The following STAU2 variants were observed in gnomAD, a reference collection of about 807,000 sequenced individuals.
STAU2 encodes the protein double-stranded RNA-binding protein Staufen homolog 2.
STAU2 carries 20 observed loss-of-function variants against 65.9 expected under a neutral mutation model. That is an observed-to-expected ratio of 0.30 (90% CI 0.21 to 0.44). The LOEUF is 0.44. Among genes scored for constraint, STAU2 ranks in the 20% least tolerant of loss-of-function variants. STAU2 has a pLI of 1.00. For synonymous variants in STAU2, 232 were observed against 233.9 expected (o/e 0.99, Z 0.07); for missense variants, 558 against 683.9 (o/e 0.82, Z 2.05).
At chr8:73,621,678 A>G (rs918128375) in intron 6 of STAU2, among the ~76,000 whole-genome samples, 7 of 152,094 alleles carry the variant, frequency 4.6e-5, no homozygotes, top group African/African-American at 1.7e-4. Context: ...AATCCCAAAA[A>G]AGTCTTGGGA....
chr8:73,667,385 G>A (rs529119138), intron 6 of STAU2, among the ~76,000 whole-genome samples: 1 of 152,174 alleles, frequency 6.6e-6, no homozygotes, highest in African/African-American at 2.4e-5. Flanking sequence ...CATTCAAATC[G>A]GGGCCCTGCC....
chr8:73,543,077 T>C (rs1371653789), intron 13 of STAU2, among the ~76,000 whole-genome samples: 3 of 152,210 alleles, frequency 2.0e-5, no homozygotes, highest in South Asian at 2.1e-4. Context: ...TATATATACA[T>C]AAAATAAACT....
chr8:73,593,384 T>C (rs915686328), intron 11 of STAU2, among the ~76,000 whole-genome samples: 1 of 152,160 alleles, frequency 6.6e-6, no homozygotes, highest in Non-Finnish European at 1.5e-5. Context: ...GTTCATCCTC[T>C]AGTTTTGTTA....
chr8:73,523,607 T>G (rs1054211760), intron 13 of STAU2, among the ~76,000 whole-genome samples: 6 of 152,124 alleles, frequency 3.9e-5, no homozygotes, highest in Non-Finnish European at 5.9e-5. Flanking sequence ...CCCCAGCCCC[T>G]GCAACCACTC....
At chr8:73,443,447 A>C (rs1315139234) in intron 13 of STAU2, among the ~76,000 whole-genome samples, 2 of 152,264 alleles carry the variant, frequency 1.3e-5, no homozygotes, top group Non-Finnish European at 2.9e-5. Context: ...GAAAGCAACA[A>C]GGCAATATCC....
At chr8:73,625,043 C>T (rs183492267) in intron 6 of STAU2, among the ~76,000 whole-genome samples, 2 of 152,042 alleles carry the variant, frequency 1.3e-5, no homozygotes, top group African/African-American at 2.4e-5. Flanking sequence ...CACACACCCA[C>T]TAGGATGGCT....
At chr8:73,622,248 T>C (rs1813314066) in intron 6 of STAU2, among the ~76,000 whole-genome samples, 1 of 115,396 alleles carries the variant, frequency 8.7e-6, no homozygotes, top group African/African-American at 4.2e-5. Context: ...TGCCTCAGCC[T>C]CCCGAGTAGC....
chr8:73,501,141 T>C (rs1253341243), intron 13 of STAU2, among the ~76,000 whole-genome samples: 1 of 151,808 alleles, frequency 6.6e-6, no homozygotes, highest in Non-Finnish European at 1.5e-5. Context: ...AAGTAACTAA[T>C]TTGGTAATAA....
chr8:73,626,392 C>T (rs1254292544), intron 6 of STAU2, among the ~76,000 whole-genome samples: 2 of 152,182 alleles, frequency 1.3e-5, no homozygotes, highest in African/African-American at 4.8e-5. Context: ...GAAACTAGGT[C>T]TGAGAAGTCA....
chr8:73,449,371 G>C (rs1452894335), intron 13 of STAU2, among the ~76,000 whole-genome samples: 1 of 152,214 alleles, frequency 6.6e-6, no homozygotes, highest in African/African-American at 2.4e-5. Context: ...TGGCTGCTCT[G>C]TGTCCTGATC....
intron 12 of STAU2, among the ~76,000 whole-genome samples, chr8:73,565,877 C>T (rs188461064): frequency 3.5e-4 from 54 of 152,166 alleles, no homozygotes; most frequent in Admixed American, 1.3e-3. Context: ...AAACTGATTT[C>T]GTTATATGTC....
At chr8:73,690,326 CT>C (rs1819239410) in intron 4 of STAU2, among the ~76,000 whole-genome samples, 1 of 62,742 alleles carries the variant, frequency 1.6e-5, no homozygotes, top group Admixed American at 1.6e-4. Flanking sequence ...GAGACTCTGT[CT>C]CAAAAAAAAA....
At chr8:73,613,481 T>C (rs978230465) in intron 9 of STAU2, among the ~76,000 whole-genome samples, 15 of 152,180 alleles carry the variant, frequency 9.9e-5, no homozygotes, top group African/African-American at 3.4e-4. Flanking sequence ...AAAGGTGACA[T>C]GAATGGTAAA....
intron 3 of STAU2, among the ~76,000 whole-genome samples, chr8:73,723,924 A>G (rs1821858192): frequency 6.6e-6 from 1 of 152,220 alleles, no homozygotes; most frequent in Non-Finnish European, 1.5e-5. Flanking sequence ...ACCTTGCTAT[A>G]TGACTCCTAT....
intron 13 of STAU2, among the ~76,000 whole-genome samples, chr8:73,455,695 T>C (rs968491463): frequency 1.3e-5 from 2 of 152,210 alleles, no homozygotes; most frequent in Non-Finnish European, 2.9e-5. Flanking sequence ...CCTAAAGTGC[T>C]CTCCAAATTT....
At chr8:73,608,534 C>T (rs1207965147) in intron 9 of STAU2, among the ~76,000 whole-genome samples, 2 of 151,450 alleles carry the variant, frequency 1.3e-5, no homozygotes, top group Admixed American at 6.6e-5. Context: ...TTGCTTGAAC[C>T]CAGGAGGCGG....
At chr8:73,422,263 T>G (rs1423002419) in intron 14 of STAU2, among the ~76,000 whole-genome samples, 1 of 152,164 alleles carries the variant, frequency 6.6e-6, no homozygotes, top group Admixed American at 6.5e-5. Flanking sequence ...AGTGAAAACT[T>G]TCACCGCTGA....
chr8:73,637,477 T>TAAAAAAAAAAAAAAAAAAAAAAAAAAAA (rs60833468), intron 6 of STAU2, among the ~76,000 whole-genome samples: 12 of 57,088 alleles, frequency 2.1e-4, no homozygotes, highest in Admixed American at 2.9e-4. Flanking sequence ...GTGCTGAAAG[T>TAAAAAAAAAAAAAAAAAAAAAAAAAAAA]AAAAAAAAAA....
intron 13 of STAU2, among the ~76,000 whole-genome samples, chr8:73,477,959 C>T (rs1463112471): frequency 2.6e-5 from 4 of 151,862 alleles, no homozygotes; most frequent in Non-Finnish European, 5.9e-5. Context: ...TTATACTGCT[C>T]TACAAACCAA....
Sources: allele counts gnomAD v4.1 joint callset (sites outside exome capture counted in the v4.1 genomes callset), GRCh38; gene constraint gnomAD v4.1.1; transcripts MANE v1.5; gene names NCBI Gene and HGNC (gene_info 2026-07-23, HGNC 2026-07-21).